Variants in ZNF143 observed in about 807,000 individuals in gnomAD.
ZNF143 encodes the protein SPH-binding factor.
Under a neutral mutation model 74.1 loss-of-function variants are expected in ZNF143, and 49 were observed. The observed-to-expected ratio is 0.66, with a 90% CI of 0.53 to 0.84. ZNF143 has a LOEUF of 0.84. Among genes scored for constraint, ZNF143 ranks in the 40% least tolerant of loss-of-function variants. ZNF143 has a pLI of 0.00. For missense variants in ZNF143, 637 were observed against 793.4 expected, an observed-to-expected ratio of 0.80 and a Z score of 2.37; for synonymous variants, 304 against 282.8, an observed-to-expected ratio of 1.07 and a Z score of -0.75.
At chr11:9,494,567 T>C in intron 7 of ZNF143, 79 bp from the exon 8 acceptor site, 5 of 1,447,268 alleles carry the variant, frequency 3.5e-6, no homozygotes, top group Non-Finnish European at 4.7e-6. Flanking sequence ...TACCTCTGCC[T>C]CCCCATGTGC....
rs190740959 is a variant in ZNF143, at chr11:9,491,838, C to G, written c.646-2808C>G. Among the ~76,000 whole-genome samples the G allele has an allele frequency of 3.3e-5, 5 of 152,292 alleles. No individual in the cohort carries two copies. The East Asian group carries it at 9.7e-4, about 29-fold the overall frequency. ...TAGAAATGGGGTTTCACCATTTGCC[C>G]AGGCTAGTCTCGAACTCCTGATCTC... On this transcript the variant is annotated intron_variant, in intron 7 of 15. Coordinates refer to ENST00000396602, the MANE Select transcript of ZNF143 (RefSeq NM_003442.6).
intron 1 of ZNF143, among the ~76,000 whole-genome samples, chr11:9,465,002 A>G (rs2133816282): frequency 6.6e-6 from 1 of 152,336 alleles, no homozygotes; most frequent in South Asian, 2.1e-4. Flanking sequence ...GATCATTGTG[A>G]AGAATTTTTG....
intron 7 of ZNF143, among the ~76,000 whole-genome samples, chr11:9,482,132 G>A (rs12293634): frequency 0.05 from 7,394 of 147,556 alleles, 248 homozygotes; most frequent in Non-Finnish European, 0.074. Flanking sequence ...CACCACGCCC[G>A]GCTAATTTTT....
chr11:9,474,442 A>C (rs1449958437), intron 4 of ZNF143, 108 bp from the exon 5 acceptor site: 7 of 1,089,116 alleles, frequency 6.4e-6, no homozygotes, highest in Non-Finnish European at 9.6e-6. Context: ...TCATGAAGCA[A>C]GTATAGATTG....
At chr11:9,502,997 A>AT (rs1848222977) in intron 11 of ZNF143, among the ~76,000 whole-genome samples, 1 of 151,952 alleles carries the variant, frequency 6.6e-6, no homozygotes, top group Non-Finnish European at 1.5e-5. Flanking sequence ...TGCCTGGCTA[A>AT]TTTTTTGTAT....
intron 7 of ZNF143, among the ~76,000 whole-genome samples, chr11:9,491,460 C>T (rs1847772216): frequency 6.6e-6 from 1 of 151,878 alleles, no homozygotes; most frequent in African/African-American, 2.4e-5. Flanking sequence ...CACGGTGAAA[C>T]CCCGTCTCTA....
intron 11 of ZNF143, among the ~76,000 whole-genome samples, chr11:9,502,956 A>C (rs1208985271): frequency 6.6e-6 from 1 of 151,912 alleles, no homozygotes; most frequent in African/African-American, 2.4e-5. Context: ...TCAGCCTCCC[A>C]AGTAGCTGGG....
rs141032735 is a variant in ZNF143, at chr11:9,498,122, G to A, written c.967+322G>A. On this transcript the variant is annotated intron_variant, in intron 10 of 15. Coordinates refer to ENST00000396602, the MANE Select transcript of ZNF143 (RefSeq NM_003442.6). ...TGCGATTACAGGCGTGAGCCACCGC[G>A]CCCGGCCTAGGCCAAGTTAATCTGC... is the stretch of plus-strand genomic sequence containing the variant. 3.5e-3 allele frequency among the ~76,000 whole-genome samples: 530 copies of A among 152,356 alleles called. 3 individuals carry two copies. Among genetic ancestry groups the A allele is most frequent in the African/African-American group, 0.012 (507 of 41,574 alleles).
intron 1 of ZNF143, among the ~76,000 whole-genome samples, chr11:9,465,689 T>C (rs1856165906): frequency 1.3e-5 from 2 of 151,170 alleles, no homozygotes; most frequent in South Asian, 4.2e-4. Context: ...TTTTTGTATT[T>C]TTGGTAGAGA....
intron 14 of ZNF143, among the ~76,000 whole-genome samples, chr11:9,522,868 TCTC>T (rs2134259817): frequency 6.6e-6 from 1 of 151,932 alleles, no homozygotes; most frequent in East Asian, 1.9e-4. Flanking sequence ...TTGACCTGGT[TCTC>T]CTCCCTCAGC....
chr11:9,522,390 GA>G (rs879512286), intron 14 of ZNF143, among the ~76,000 whole-genome samples: 57 of 143,260 alleles, frequency 4.0e-4, no homozygotes, highest in East Asian at 4.0e-4. Flanking sequence ...TGCTTCTGGG[GA>G]AAAAAAAAAA....
rs1473232551 is a variant in ZNF143, at chr11:9,528,092, TCTA to T, written c.*483_*485del. ...TTAGTAGAGTGTCTGCGGTTTTTGT[TCTA>T]CTATATGCTTGTCCATTTTTATTTG... On this transcript the variant is annotated 3_prime_UTR_variant, in exon 16 of 16. Transcript: ENST00000396602. 6.5e-6 allele frequency: 1 copy of T among 153,082 alleles called. No homozygotes were observed. Among genetic ancestry groups the T allele is most frequent in the Non-Finnish European group, 1.5e-5 (1 of 68,378 alleles). 9.5% of individuals were successfully genotyped at this position (153,082 alleles called of 1,614,324 possible). A position where few individuals can be genotyped will look rare whatever the true frequency, so the allele number is the denominator to read the frequency against.
chr11:9,475,903 A>AAAT (rs143829349), intron 5 of ZNF143, among the ~76,000 whole-genome samples: 1 of 76,240 alleles, frequency 1.3e-5, no homozygotes, highest in Admixed American at 1.3e-4. Context: ...GTCTCAAAAA[A>AAAT]ATATATATGT....
intron 11 of ZNF143, among the ~76,000 whole-genome samples, chr11:9,501,655 G>A (rs989776715): frequency 2.0e-5 from 3 of 152,126 alleles, no homozygotes; most frequent in African/African-American, 7.2e-5. Context: ...GAGATATTTG[G>A]CATACAGACT....
rs1849084283 is a variant in ZNF143 at position 9,525,322 on chromosome 11, T to C, written c.1769T>C (p.Val590Ala). 6.2e-7 allele frequency: 1 copy of C among 1,614,100 alleles called. No individual in the cohort carries two copies. The highest frequency in any genetic ancestry group is 1.1e-5 in the South Asian group (1 of 91,088). Residue 590 changes from valine (V) to alanine (A), a missense_variant, in exon 15 of 16, where the codon GTA (valine) becomes GCA (alanine). Physicochemically the swap from Val to Ala is moderately conservative, Grantham distance 64. This residue lies in a region of ZNF143 where 344 missense variants were observed against 485.6 expected (regional missense o/e 0.71). Coordinates refer to ENST00000396602, the MANE Select transcript of ZNF143 (RefSeq NM_003442.6). ...CACCAGCAGCATAGCCATCACTTAG[T>C]AACCACAGAAACCAGACCTCTGACC... ...MGHQQHSHHL[V>A]TTETRPLTLV...
At chr11:9,526,280 G>T (rs758821983) in intron 15 of ZNF143, among the ~76,000 whole-genome samples, 7 of 152,088 alleles carry the variant, frequency 4.6e-5, no homozygotes, top group Non-Finnish European at 1.0e-4. Flanking sequence ...CTTGAGCAAG[G>T]GAGGTTGAGG....
intron 6 of ZNF143, 99 bp downstream of exon 6, chr11:9,478,685 C>A: frequency 1.4e-6 from 2 of 1,448,012 alleles, no homozygotes; most frequent in Admixed American, 2.2e-5. Flanking sequence ...CAAAAAAAAC[C>A]TGGCCAATTT....
rs191579341 is a variant in ZNF143, at chr11:9,523,757, T to A, written c.1687-1483T>A. On this transcript the variant is annotated intron_variant, in intron 14 of 15. Coordinates refer to ENST00000396602, the MANE Select transcript of ZNF143 (RefSeq NM_003442.6). ...TCAAAAAATATATAATAATAATAAT[T>A]ATTATTCTGGCTGGGCGCGGGGGCT... 3.8e-3 allele frequency among the ~76,000 whole-genome samples: 533 copies of A among 141,330 alleles called. 4 individuals carry two copies. The highest frequency in any genetic ancestry group is 0.013 in the Middle Eastern group (3 of 226). 92.7% of individuals were successfully genotyped at this position (141,330 alleles called of 152,430 possible). A position where few individuals can be genotyped will look rare whatever the true frequency, so the allele number is the denominator to read the frequency against.
intron 13 of ZNF143, among the ~76,000 whole-genome samples, chr11:9,513,984 C>T (rs1848640697): frequency 1.3e-5 from 2 of 152,222 alleles, no homozygotes; most frequent in Admixed American, 1.3e-4. Context: ...TGGTCCCACT[C>T]TGTTGCCCAG....
Sources: gnomAD v4.1 joint callset for allele counts (sites outside exome capture counted in the v4.1 genomes callset) on GRCh38, gnomAD v4.1.1 for gene constraint, gnomAD v4.1.1 regional missense constraint, MANE v1.5 for transcripts, NCBI Gene and HGNC (gene_info 2026-07-23, HGNC 2026-07-21) for gene names.